Variants in ACAP2 observed in about 807,000 individuals in gnomAD.
ACAP2 encodes arf-GAP with coiled-coil, ANK repeat and PH domain-containing protein 2.
ACAP2 carries 39 observed loss-of-function variants against 115.8 expected under a neutral mutation model. The ratio of observed to expected loss-of-function variants is 0.34; its 90% CI spans 0.26 to 0.44. The LOEUF (loss-of-function observed/expected upper bound fraction) is 0.44, where lower values mean the gene tolerates loss of function less well. Ranked by LOEUF, ACAP2 falls within the 20% of genes least tolerant of loss-of-function variation. ACAP2 has a pLI of 1.00. For synonymous variants in ACAP2, 289 were observed against 315.8 expected, an observed-to-expected ratio of 0.92 and a Z score of 0.90; for missense variants, 662 against 927.6, an observed-to-expected ratio of 0.71 and a Z score of 3.72.
At chr3:195,386,762 C>A (rs1024260095) in intron 2 of ACAP2, among the ~76,000 whole-genome samples, 6 of 151,302 alleles carry the variant, frequency 4.0e-5, no homozygotes, top group African/African-American at 7.3e-5. Context: ...TACAAACCTG[C>A]ACATTCTGTA....
chr3:195,425,178 C>A (rs1452945103), intron 1 of ACAP2, among the ~76,000 whole-genome samples: 2 of 151,662 alleles, frequency 1.3e-5, no homozygotes, highest in Admixed American at 1.3e-4. Flanking sequence ...TTCCTTAGAG[C>A]CCTCATATAA....
At chr3:195,363,787 G>A (rs1732531255) in intron 4 of ACAP2, among the ~76,000 whole-genome samples, 1 of 152,080 alleles carries the variant, frequency 6.6e-6, no homozygotes, top group Non-Finnish European at 1.5e-5. Context: ...CAAAGGAACA[G>A]AATAGAGAAC....
At chr3:195,344,638 A>G (rs1340833592) in intron 5 of ACAP2, among the ~76,000 whole-genome samples, 1 of 151,900 alleles carries the variant, frequency 6.6e-6, no homozygotes, top group Non-Finnish European at 1.5e-5. Context: ...CTCCTGCCTC[A>G]GTCTCCCGAG....
At chr3:195,295,971 A>C (rs1457639284) in intron 16 of ACAP2, 79 bp from the exon 17 acceptor site, 2 of 1,121,568 alleles carry the variant, frequency 1.8e-6, no homozygotes, top group African/African-American at 3.1e-5. Context: ...TTATATACTG[A>C]ACATATTCAA....
In ACAP2 at chr3:195,275,367, T is replaced by C. The variant is rs1191417481; in HGVS notation, c.*3961A>G. 6.6e-6 allele frequency: 1 copy of C among 152,196 alleles called. No individual in the cohort carries two copies. The highest frequency in any genetic ancestry group is 2.4e-5 in the African/African-American group (1 of 41,450). The allele number at this position is 152,196 out of a possible 1,614,324, so 9.4% of individuals were successfully genotyped here. ...ATGTCATTTGGAAGCATCAAGAAAT[T>C]GATAAGTATGTGGTGAATTAAAATT... is the stretch of plus-strand genomic sequence containing the variant. On this transcript the variant is annotated 3_prime_UTR_variant, in exon 23 of 23. Coordinates refer to ENST00000326793, the MANE Select transcript of ACAP2 (RefSeq NM_012287.6).
At chr3:195,299,714 T>C (rs1472508497) in intron 15 of ACAP2, among the ~76,000 whole-genome samples, 1 of 151,694 alleles carries the variant, frequency 6.6e-6, no homozygotes, top group Non-Finnish European at 1.5e-5. Context: ...GGTGGGCACC[T>C]GTAGTCTCAG....
chr3:195,352,245 C>A (rs1443893917), intron 4 of ACAP2, among the ~76,000 whole-genome samples: 1 of 152,126 alleles, frequency 6.6e-6, no homozygotes, highest in Non-Finnish European at 1.5e-5. Flanking sequence ...ATAGACTACA[C>A]CACGTAGCCT....
chr3:195,328,269 CTA>C (rs947084741), intron 8 of ACAP2, among the ~76,000 whole-genome samples: 116 of 152,104 alleles, frequency 7.6e-4, no homozygotes, highest in African/African-American at 2.6e-3. Flanking sequence ...CATTAAATGT[CTA>C]CACATTTTAA....
At chr3:195,360,781 G>C (rs1732301242) in intron 4 of ACAP2, among the ~76,000 whole-genome samples, 1 of 150,658 alleles carries the variant, frequency 6.6e-6, no homozygotes, top group Non-Finnish European at 1.5e-5. Context: ...TTGGGCGACA[G>C]AGTGAGACTC....
At chr3:195,438,393 A>T (rs1049130205) in intron 1 of ACAP2, among the ~76,000 whole-genome samples, 3 of 71,606 alleles carry the variant, frequency 4.2e-5, no homozygotes, top group Non-Finnish European at 8.0e-5. Flanking sequence ...TTCTGAGATT[A>T]AAAAAAAAAA....
At chr3:195,343,255 A>G (rs1730989697) in intron 5 of ACAP2, among the ~76,000 whole-genome samples, 2 of 152,226 alleles carry the variant, frequency 1.3e-5, no homozygotes, top group African/African-American at 2.4e-5. Context: ...AGGGACATGT[A>G]CCATTATTTA....
At chr3:195,434,121 G>T (rs867179502) in intron 1 of ACAP2, among the ~76,000 whole-genome samples, 15 of 152,234 alleles carry the variant, frequency 9.9e-5, no homozygotes, top group Middle Eastern at 6.8e-3. Flanking sequence ...TAGAGACAAG[G>T]TCTCACTATG....
chr3:195,393,882 AT>A (rs1560322716), intron 1 of ACAP2, among the ~76,000 whole-genome samples: 1 of 87,226 alleles, frequency 1.1e-5, no homozygotes, highest in Non-Finnish European at 2.3e-5. Flanking sequence ...AGAGTATTAT[AT>A]TGGGGGGGGG....
Position 195,291,742 on chromosome 3 carries a change from C to G in ACAP2, c.2027G>C (p.Gly676Ala), listed in dbSNP as rs879132555. Residue 676 changes from glycine to alanine, a missense_variant, in exon 20 of 23, where the codon GGA becomes GCA. Gly to Ala is a moderately conservative substitution (Grantham distance 60, BLOSUM62 0). Coordinates refer to ENST00000326793, the MANE Select transcript of ACAP2 (RefSeq NM_012287.6). ...TAAGACGGTGGCATGGTGCAATGGT[C>G]CCCGCCCTTGGACATCTCTTTGGTT... ...NVNQRDVQGRGPLHHATVLGH... is the reference protein window; with the variant it reads ...NVNQRDVQGRAPLHHATVLGH... The G allele has an allele frequency of 6.2e-7, 1 of 1,614,042 alleles. No homozygotes were observed. The highest frequency in any genetic ancestry group is 1.6e-4 in the Middle Eastern group (1 of 6,062).
chr3:195,409,062 A>G (rs1037210102), intron 1 of ACAP2, among the ~76,000 whole-genome samples: 1 of 151,980 alleles, frequency 6.6e-6, no homozygotes, highest in African/African-American at 2.4e-5. Flanking sequence ...TCTATTCAAC[A>G]TAGCACTGGA....
chr3:195,395,736 A>T (rs1433355914), intron 1 of ACAP2, among the ~76,000 whole-genome samples: 2 of 152,244 alleles, frequency 1.3e-5, no homozygotes, highest in Non-Finnish European at 2.9e-5. Flanking sequence ...AAGAATGTCA[A>T]ATATAAGAAC....
intron 1 of ACAP2, among the ~76,000 whole-genome samples, chr3:195,399,288 G>A (rs1302787059): frequency 6.6e-6 from 1 of 152,160 alleles, no homozygotes; most frequent in Non-Finnish European, 1.5e-5. Flanking sequence ...TGAAAATAGT[G>A]GGATTTTAAA....
chr3:195,283,145 C>A (rs553951135), intron 22 of ACAP2, among the ~76,000 whole-genome samples: 1 of 152,276 alleles, frequency 6.6e-6, no homozygotes, highest in Admixed American at 6.5e-5. Flanking sequence ...AGCCTGCCAA[C>A]GATCAAGAAG....
At chr3:195,359,512 G>A (rs183420391) in intron 4 of ACAP2, among the ~76,000 whole-genome samples, 184 of 152,296 alleles carry the variant, frequency 1.2e-3, no homozygotes, top group African/African-American at 4.2e-3. Context: ...CTGTCACCCA[G>A]GCTGGAGTGC....
Sources: gnomAD v4.1 joint callset for allele counts (sites outside exome capture counted in the v4.1 genomes callset) on GRCh38, gnomAD v4.1.1 for gene constraint, MANE v1.5 for transcripts, NCBI Gene and HGNC (gene_info 2026-07-23, HGNC 2026-07-21) for gene names.